Variants in ASZ1 observed in about 807,000 individuals in gnomAD.
The protein encoded by ASZ1 is ankyrin repeat, SAM and basic leucine zipper domain-containing protein 1.
Under a neutral mutation model 61.8 loss-of-function variants are expected in ASZ1, and 67 were observed. The ratio of observed to expected loss-of-function variants is 1.08; its 90% CI spans 0.89 to 1.33. The LOEUF (loss-of-function observed/expected upper bound fraction) is 1.33, where lower values mean the gene tolerates loss of function less well. Ranked by LOEUF, ASZ1 falls within the 40% of genes most tolerant of loss-of-function variation. ASZ1 has a pLI of 0.00. For missense variants in ASZ1, 577 were observed against 554.5 expected (o/e 1.04, Z -0.41); for synonymous variants, 193 against 192.7 (o/e 1.00, Z -0.01).
chr7:117,367,416 T>G lies in ASZ1; in HGVS notation c.1211A>C (p.Glu404Ala). The change falls in exon 12 of 13, where the codon GAA (glutamate) becomes GCA (alanine). Residue 404 changes from glutamate to alanine, a missense_variant. Glu to Ala is a moderately radical substitution (Grantham distance 107, BLOSUM62 -1). Coordinates refer to ENST00000284629, the MANE Select transcript of ASZ1 (RefSeq NM_130768.3). ...SPQNFTSVCE[E>A]LVNNVEDLSE... The stretch of plus-strand genomic sequence containing the variant: ...CAAATCTTCAACATTATTAACCAAT[T>G]CTTCACAAACTGAAGTAAAATTCTG... 6.4e-7 allele frequency: 1 copy of G among 1,569,608 alleles called. No individual in the cohort carries two copies. The highest frequency in any genetic ancestry group is 8.6e-7 in the Non-Finnish European group (1 of 1,160,008).
intron 10 of ASZ1, among the ~76,000 whole-genome samples, 163 bp downstream of exon 10, chr7:117,379,775 T>A (rs1796214866): frequency 6.6e-6 from 1 of 151,874 alleles, no homozygotes; most frequent in Admixed American, 6.6e-5. Context: ...AAAATTGACT[T>A]TACAAAGTAC....
chr7:117,419,713 A>G (rs888293251), intron 4 of ASZ1, among the ~76,000 whole-genome samples: 2 of 152,220 alleles, frequency 1.3e-5, no homozygotes, highest in African/African-American at 4.8e-5. Context: ...TATTACATAC[A>G]TGTTATTACC....
chr7:117,418,105 T>C (rs112641185), intron 4 of ASZ1, among the ~76,000 whole-genome samples: 2 of 152,296 alleles, frequency 1.3e-5, no homozygotes, highest in South Asian at 2.1e-4. Flanking sequence ...GTTTACAACA[T>C]TTTAGGTGAT....
intron 10 of ASZ1, among the ~76,000 whole-genome samples, chr7:117,375,917 G>C (rs1283931858): frequency 6.6e-6 from 1 of 151,734 alleles, no homozygotes; most frequent in East Asian, 1.9e-4. Context: ...CAAGAATCTA[G>C]AAAAAGAGCA....
chr7:117,420,403 T>C, intron 3 of ASZ1, 129 bp from the exon 4 acceptor site: 1 of 558,094 alleles, frequency 1.8e-6, no homozygotes, highest in Non-Finnish European at 3.0e-6. Context: ...CTCTCACTCT[T>C]AGCAGGTAAC....
chr7:117,418,838 G>T (rs780653410), intron 4 of ASZ1, among the ~76,000 whole-genome samples: 4 of 151,628 alleles, frequency 2.6e-5, no homozygotes, highest in Non-Finnish European at 5.9e-5. Flanking sequence ...GTGTGTGCCT[G>T]TAGTCCCAGC....
chr7:117,385,569 T>G, intron 5 of ASZ1, 129 bp downstream of exon 5: 1 of 760,698 alleles, frequency 1.3e-6, no homozygotes, highest in Non-Finnish European at 2.1e-6. Context: ...CTATTTCAAC[T>G]GTTGCTTTTT....
chr7:117,367,527 C>T (rs1795966448), intron 11 of ASZ1, 62 bp from the exon 12 acceptor site: 1 of 1,286,264 alleles, frequency 7.8e-7, no homozygotes, highest in Non-Finnish European at 1.0e-6. Flanking sequence ...AACTTTATAT[C>T]CACAAAGATT....
Position 117,396,244 on chromosome 7 carries a change from A to T in ASZ1, c.441-10435T>A, listed in dbSNP as rs77852603. ...GCACAAAGTAAATTCTCAGTCATTA[A>T]TAGGTATTTTTATTATTAACTACAT... On this transcript the variant is annotated intron_variant, in intron 4 of 12. Coordinates refer to ENST00000284629, the MANE Select transcript of ASZ1 (RefSeq NM_130768.3). 4.7e-3 allele frequency among the ~76,000 whole-genome samples: 719 copies of T among 152,328 alleles called. 5 individuals carry two copies. Among genetic ancestry groups the T allele is most frequent in the African/African-American group, 0.016 (663 of 41,562 alleles).
intron 4 of ASZ1, among the ~76,000 whole-genome samples, chr7:117,388,128 GA>G: frequency 6.6e-6 from 1 of 152,168 alleles, no homozygotes; most frequent in South Asian, 2.1e-4. Flanking sequence ...AATAGCCCTA[GA>G]CTTATTTTTT....
chr7:117,384,817 A>C lies in ASZ1; in HGVS notation c.596T>G (p.Leu199Trp). 3 of 1,609,272 alleles carry C rather than the reference A, an allele frequency of 1.9e-6. No homozygotes were observed. Among genetic ancestry groups the C allele is most frequent in the Non-Finnish European group, 2.5e-6 (3 of 1,178,410 alleles). The change falls in exon 6 of 13, where the codon TTG (leucine) becomes TGG (tryptophan). Residue 199 changes from leucine to tryptophan, a missense_variant. By Grantham distance (61) the Leu-to-Trp change is moderately conservative. Transcript: ENST00000284629. ...ATTAGCTCCAAGTTCAAGCAACTTCAAAACTATATTTTTATGACCCTGACG... is the reference window on the plus strand; with the variant it reads ...ATTAGCTCCAAGTTCAAGCAACTTCCAAACTATATTTTTATGACCCTGACG... ...AARQGHKNIV[L>W]KLLELGANKM...
chr7:117,419,961 T>C (rs924749043), intron 4 of ASZ1, among the ~76,000 whole-genome samples: 2 of 152,226 alleles, frequency 1.3e-5, no homozygotes, highest in Non-Finnish European at 2.9e-5. Flanking sequence ...ATGACGTTTC[T>C]CTCAAAATGT....
chr7:117,371,538 A>T (rs1272656154), intron 10 of ASZ1, among the ~76,000 whole-genome samples: 1 of 152,142 alleles, frequency 6.6e-6, no homozygotes, highest in Non-Finnish European at 1.5e-5. Context: ...AAAAGATGTA[A>T]ATCTTCTTTA....
At chr7:117,367,179 T>G (rs574154259) in intron 12 of ASZ1, among the ~76,000 whole-genome samples, 173 bp downstream of exon 12, 1 of 152,332 alleles carries the variant, frequency 6.6e-6, no homozygotes, top group Admixed American at 6.5e-5. Context: ...ATTTGCTTAA[T>G]GGCCAACAAA....
chr7:117,416,876 T>G (rs1267807557), intron 4 of ASZ1, among the ~76,000 whole-genome samples: 3 of 152,252 alleles, frequency 2.0e-5, no homozygotes, highest in Non-Finnish European at 4.4e-5. Flanking sequence ...TCTTAATCTT[T>G]ATTCTTCCAT....
chr7:117,426,255 G>A (rs909374922), intron 2 of ASZ1, among the ~76,000 whole-genome samples: 2 of 151,508 alleles, frequency 1.3e-5, no homozygotes, highest in African/African-American at 4.9e-5. Flanking sequence ...GCCGAGACAG[G>A]CGGATCACAA....
In ASZ1 at chr7:117,367,454, T is replaced by C. The variant is rs755648802; in HGVS notation, c.1173A>G (p.Glu391=). 6.5e-7 allele frequency: 1 copy of C among 1,532,464 alleles called. No homozygotes were observed. The highest frequency in any genetic ancestry group is 1.4e-5 in the African/African-American group (1 of 71,414). 94.9% of individuals were successfully genotyped at this position (1,532,464 alleles called of 1,614,324 possible). ...LPVNSQKITL[E]WASPQNFTSV... ...AAGTAAAATTCTGGGGAGAAGCCCA[T>C]TCCAGTGTTATCTGTTAATATTTTC... Residue 391 remains glutamate, a synonymous_variant, in exon 12 of 13, where the codon GAA becomes GAG. Transcript: ENST00000284629.
At chr7:117,391,804 T>C (rs1796475107) in intron 4 of ASZ1, among the ~76,000 whole-genome samples, 1 of 152,108 alleles carries the variant, frequency 6.6e-6, no homozygotes, top group South Asian at 2.1e-4. Context: ...TTTTTTTTCT[T>C]ATTTTTTGAG....
At chr7:117,384,219 G>T (rs899779433) in intron 6 of ASZ1, among the ~76,000 whole-genome samples, 1 of 152,000 alleles carries the variant, frequency 6.6e-6, no homozygotes, top group African/African-American at 2.4e-5. Context: ...ATTTATTATT[G>T]AGTTTAACAT....
Sources: gnomAD v4.1 joint callset for allele counts (sites outside exome capture counted in the v4.1 genomes callset) on GRCh38, gnomAD v4.1.1 for gene constraint, MANE v1.5 for transcripts, NCBI Gene and HGNC (gene_info 2026-07-23, HGNC 2026-07-21) for gene names.